DNAH12: variants seen among roughly 807,000 people sequenced by gnomAD.
DNAH12 encodes dynein axonemal heavy chain 12.
A neutral mutation model predicts 371.5 loss-of-function variants in DNAH12; 285 were observed. That is an observed-to-expected ratio of 0.77 (90% CI 0.70 to 0.85). The LOEUF is 0.85. Among genes scored for constraint, DNAH12 ranks in the 40% least tolerant of loss-of-function variants. DNAH12 has a pLI of 0.00. For missense variants in DNAH12, 3,611 were observed against 3,689.4 expected, an observed-to-expected ratio of 0.98 and a Z score of 0.55; for synonymous variants, 1,200 against 1,213.0, an observed-to-expected ratio of 0.99 and a Z score of 0.22.
At chr3:57,530,773 A>C in intron 2 of DNAH12, 1 of 227,318 alleles carries the variant, frequency 4.4e-6, no homozygotes, top group South Asian at 8.0e-5. Flanking sequence ...TTGGAGCCCC[A>C]GGAGAAATTC....
At chr3:57,495,608 T>C (rs1251967664) in intron 11 of DNAH12, among the ~76,000 whole-genome samples, 1 of 146,700 alleles carries the variant, frequency 6.8e-6, no homozygotes, top group Non-Finnish European at 1.5e-5. Context: ...TATATTTACA[T>C]ATTTTGTATA....
At chr3:57,415,682 CAT>C in intron 37 of DNAH12, 118 bp from the exon 38 acceptor site, 1 of 954,420 alleles carries the variant, frequency 1.0e-6, no homozygotes, top group South Asian at 2.2e-5. Context: ...ATTAAAAACT[CAT>C]TTTTACCTAT....
rs1214819428 is a variant in DNAH12 at position 57,387,203 on chromosome 3, G to A, written c.7322C>T (p.Ala2441Val). Residue 2441 changes from alanine (A) to valine (V), a missense_variant, in exon 46 of 74, where the codon GCT (alanine) becomes GTT (valine). Physicochemically the swap from Ala to Val is moderately conservative, Grantham distance 64 (BLOSUM62 0). Coordinates refer to ENST00000495027, the MANE Select transcript of DNAH12 (RefSeq NM_001366028.2). ...GAATTTCACAGCTACACGTTCAAGA[G>A]CATCTTCAGGCCATGACTAAAAATA... ...IDWFQSWPED[A>V]LERVAVKFLE... 2 of 152,100 alleles carry A rather than the reference G, an allele frequency of 1.3e-5. No homozygotes were observed. The highest frequency in any genetic ancestry group is 2.9e-5 in the Non-Finnish European group (2 of 68,016). 9.4% of individuals were successfully genotyped at this position (152,100 alleles called of 1,614,324 possible).
chr3:57,437,466 C>T (rs2065164413), intron 29 of DNAH12, among the ~76,000 whole-genome samples: 1 of 152,234 alleles, frequency 6.6e-6, no homozygotes, highest in South Asian at 2.1e-4. Flanking sequence ...ACTTTGGATG[C>T]AAATAAATAT....
At chr3:57,421,902 C>CTTTGTTTTTTTTTTTTTTT (rs2064595733) in intron 35 of DNAH12, among the ~76,000 whole-genome samples, 196 bp from the exon 36 acceptor site, 1 of 98,546 alleles carries the variant, frequency 1.0e-5, no homozygotes, top group African/African-American at 4.9e-5. Context: ...GTTTGCATGT[C>CTTTGTTTTTTTTTTTTTTT]TTTTTTTTTT....
intron 17 of DNAH12, among the ~76,000 whole-genome samples, chr3:57,463,520 T>A (rs1013508357): frequency 2.6e-5 from 4 of 151,900 alleles, no homozygotes; most frequent in Non-Finnish European, 5.9e-5. Context: ...TTTATATGAG[T>A]CATGTTTTAA....
In DNAH12 at chr3:57,453,315, G is replaced by C. The variant is rs2065810374; in HGVS notation, c.3545C>G (p.Thr1182Ser). Residue 1182 changes from threonine to serine, a missense_variant, in exon 24 of 74, where the codon ACC becomes AGC. Physicochemically the swap from Thr to Ser is moderately conservative, Grantham distance 58. Transcript: ENST00000495027. ...AATAGTAACCAAAGCCCCCAGAGTG[G>C]TCCTGGTCTGCTTAGACAACTTTCC... ...VRGKLSKQTRTTLGALVTIDV... is the reference protein window; with the variant it reads ...VRGKLSKQTRSTLGALVTIDV... The C allele has an allele frequency of 6.4e-7, 1 of 1,551,068 alleles. No homozygotes were observed. Among genetic ancestry groups the C allele is most frequent in the Non-Finnish European group, 8.7e-7 (1 of 1,146,830 alleles).
At chr3:57,405,584 ATAACT>A in intron 41 of DNAH12, 64 bp downstream of exon 41, 1 of 1,419,162 alleles carries the variant, frequency 7.0e-7, no homozygotes, top group Non-Finnish European at 9.4e-7. Flanking sequence ...TTTTAAAAAT[ATAACT>A]TAATTGTAAC....
chr3:57,406,868 TTTATAA>T (rs1559623638), intron 40 of DNAH12, among the ~76,000 whole-genome samples: 1 of 152,200 alleles, frequency 6.6e-6, no homozygotes, highest in Non-Finnish European at 1.5e-5. Context: ...AATTAAGCCT[TTTATAA>T]TATAGTCAAA....
chr3:57,475,245 G>A lies in DNAH12; in HGVS notation c.1651-2574C>T, dbSNP rs977143674. ...GGATTTCTTAAATAAAACACAGAAA[G>A]CACTAGGTATAAAATAAAATACTGC... is the stretch of plus-strand genomic sequence containing the variant. On this transcript the variant is annotated intron_variant, in intron 13 of 73. Transcript: ENST00000495027. Among the ~76,000 whole-genome samples the A allele has an allele frequency of 4.5e-4, 69 of 152,046 alleles. 1 individual carries two copies. Among genetic ancestry groups the A allele is most frequent in the African/African-American group, 1.2e-3 (50 of 41,424 alleles).
intron 62 of DNAH12, among the ~76,000 whole-genome samples, chr3:57,325,157 A>G (rs1402352991): frequency 6.6e-6 from 1 of 152,232 alleles, no homozygotes; most frequent in Non-Finnish European, 1.5e-5. Flanking sequence ...CAGACAAACA[A>G]AAAGACAGCA....
intron 4 of DNAH12, among the ~76,000 whole-genome samples, chr3:57,520,507 A>G (rs2068384235): frequency 6.7e-6 from 1 of 149,756 alleles, no homozygotes; most frequent in East Asian, 2.0e-4. Flanking sequence ...AAGTGGCACC[A>G]TCTCGGCTCA....
chr3:57,359,559 CAAA>C (rs1268515074), intron 58 of DNAH12, among the ~76,000 whole-genome samples: 1 of 72,124 alleles, frequency 1.4e-5, no homozygotes, highest in Non-Finnish European at 2.8e-5. Flanking sequence ...AACTCCATCT[CAAA>C]AAAAAAAAAA....
intron 34 of DNAH12, among the ~76,000 whole-genome samples, chr3:57,427,138 ATGTGTGTGTGTGTGTGTGTG>A (rs71088070): frequency 1.4e-5 from 2 of 138,784 alleles, no homozygotes; most frequent in Non-Finnish European, 1.5e-5. Context: ...TAAGAAGCGA[ATGTGTGTGTGTGTGTGTGTG>A]TGTGTGTGTG....
chr3:57,422,653 A>C (rs1310653594), intron 35 of DNAH12, among the ~76,000 whole-genome samples: 1 of 151,938 alleles, frequency 6.6e-6, no homozygotes, highest in Non-Finnish European at 1.5e-5. Context: ...ATATTTTTTA[A>C]AACAAAAATA....
chr3:57,421,465 C>T, intron 36 of DNAH12, 53 bp downstream of exon 36: 1 of 1,513,332 alleles, frequency 6.6e-7, no homozygotes, highest in South Asian at 1.2e-5. Flanking sequence ...GCTTTGTCTG[C>T]TGGCCTAAGC....
At chr3:57,543,315 G>GTTTTTTTTTTT (rs5849214) in intron 1 of DNAH12, among the ~76,000 whole-genome samples, 8 of 70,286 alleles carry the variant, frequency 1.1e-4, no homozygotes, top group Non-Finnish European at 1.5e-4. Flanking sequence ...ATCATTAATG[G>GTTTTTTTTTTT]TTTTTTTTTT....
At chr3:57,427,914 G>A (rs994817829) in intron 34 of DNAH12, among the ~76,000 whole-genome samples, 1 of 151,776 alleles carries the variant, frequency 6.6e-6, no homozygotes, top group Non-Finnish European at 1.5e-5. Context: ...CTGGTTTTTG[G>A]GTGTTTTTTG....
At chr3:57,327,973 A>T (rs1212469062) in intron 62 of DNAH12, among the ~76,000 whole-genome samples, 4 of 151,942 alleles carry the variant, frequency 2.6e-5, no homozygotes, top group African/African-American at 9.7e-5. Flanking sequence ...GAAATGGATA[A>T]ATTCCTCGAC....
Sources: allele counts gnomAD v4.1 joint callset (sites outside exome capture counted in the v4.1 genomes callset), GRCh38; gene constraint gnomAD v4.1.1; transcripts MANE v1.5; gene names NCBI Gene and HGNC (gene_info 2026-07-23, HGNC 2026-07-21).